Variants in DSCAM observed in about 807,000 individuals in gnomAD.
DSCAM encodes the protein DS cell adhesion molecule, also known as cell adhesion molecule DSCAM.
DSCAM carries 47 observed loss-of-function variants against 217.7 expected under a neutral mutation model. That is an observed-to-expected ratio of 0.22 (90% CI 0.17 to 0.28). The LOEUF (loss-of-function observed/expected upper bound fraction) is 0.28, where lower values mean the gene tolerates loss of function less well. Ranked by LOEUF, DSCAM falls within the 10% of genes least tolerant of loss-of-function variation. The probability of loss-of-function intolerance (pLI) is 1.00; values close to 1 mark genes in which losing one functional copy is unlikely to be tolerated. For missense variants in DSCAM, 2,080 were observed against 2,618.3 expected (o/e 0.79, Z 4.49); for synonymous variants, 1,056 against 1,015.3 (o/e 1.04, Z -0.76).
chr21:40,472,721 T>C (rs1238430219), intron 3 of DSCAM, among the ~76,000 whole-genome samples: 1 of 152,118 alleles, frequency 6.6e-6, no homozygotes. Context: ...ATGGTTTGTG[T>C]GTTTAAATGT....
At chr21:40,521,658 G>C (rs2076360300) in intron 3 of DSCAM, among the ~76,000 whole-genome samples, 2 of 152,030 alleles carry the variant, frequency 1.3e-5, no homozygotes, top group Non-Finnish European at 1.5e-5. Context: ...ACTCATATGT[G>C]AAATCTAAAG....
At chr21:40,557,499 C>T (rs903964757) in intron 3 of DSCAM, among the ~76,000 whole-genome samples, 10 of 152,086 alleles carry the variant, frequency 6.6e-5, no homozygotes, top group East Asian at 1.9e-4. Flanking sequence ...GGACTACAGG[C>T]GCCCAACACC....
intron 1 of DSCAM, among the ~76,000 whole-genome samples, chr21:40,792,735 C>T (rs1200735014): frequency 6.6e-6 from 1 of 152,150 alleles, no homozygotes; most frequent in Non-Finnish European, 1.5e-5. Flanking sequence ...AGGGGACCCA[C>T]ATAGGGCCAG....
chr21:40,566,953 A>G (rs947632444), intron 3 of DSCAM, among the ~76,000 whole-genome samples: 11 of 152,060 alleles, frequency 7.2e-5, no homozygotes, highest in African/African-American at 2.4e-4. Flanking sequence ...CCGTAAGCAC[A>G]AGCATCCTTT....
intron 8 of DSCAM, among the ~76,000 whole-genome samples, chr21:40,334,784 A>T (rs535093753): frequency 1.3e-5 from 2 of 152,224 alleles, no homozygotes; most frequent in African/African-American, 4.8e-5. Context: ...AGTATCTGGG[A>T]CTACGGGCTC....
At chr21:40,444,485 T>G (rs966088222) in intron 3 of DSCAM, among the ~76,000 whole-genome samples, 7 of 152,180 alleles carry the variant, frequency 4.6e-5, no homozygotes, top group Non-Finnish European at 8.8e-5. Context: ...CTAAACCGGT[T>G]GAGCATAGCC....
chr21:40,682,432 C>A (rs1355931559), intron 3 of DSCAM, among the ~76,000 whole-genome samples: 1 of 150,722 alleles, frequency 6.6e-6, no homozygotes, highest in Non-Finnish European at 1.5e-5. Flanking sequence ...GGATACAAAC[C>A]AAAGGAGAGC....
intron 3 of DSCAM, among the ~76,000 whole-genome samples, chr21:40,509,718 A>G (rs1294765710): frequency 1.3e-5 from 2 of 152,166 alleles, no homozygotes; most frequent in Non-Finnish European, 2.9e-5. Flanking sequence ...AACGAGGCCC[A>G]AGCACAATGC....
intron 11 of DSCAM, among the ~76,000 whole-genome samples, chr21:40,275,612 T>C (rs939190327): frequency 3.3e-5 from 5 of 152,228 alleles, no homozygotes; most frequent in African/African-American, 1.2e-4. Context: ...TTCTGTCTTG[T>C]AGTTGTTCGC....
chr21:40,655,735 G>A (rs1220407496), intron 3 of DSCAM, among the ~76,000 whole-genome samples: 2 of 152,174 alleles, frequency 1.3e-5, no homozygotes, highest in East Asian at 3.9e-4. Context: ...TTACAGGCAT[G>A]AGCCACTATT....
intron 11 of DSCAM, among the ~76,000 whole-genome samples, chr21:40,225,147 TCA>T (rs769947486): frequency 4.6e-5 from 7 of 152,210 alleles, no homozygotes; most frequent in Non-Finnish European, 1.0e-4. Context: ...CTGCCCATTC[TCA>T]GACTCAGATC....
intron 11 of DSCAM, among the ~76,000 whole-genome samples, chr21:40,215,942 A>T (rs573090846): frequency 0.11 from 5,114 of 44,884 alleles, 121 homozygotes; most frequent in African/African-American, 0.14. Flanking sequence ...TTCTCCTTTA[A>T]AAAAAAAAAA....
At chr21:40,374,123 G>A (rs549766989) in intron 3 of DSCAM, among the ~76,000 whole-genome samples, 4 of 152,174 alleles carry the variant, frequency 2.6e-5, no homozygotes, top group South Asian at 2.1e-4. Flanking sequence ...ATTTCACATC[G>A]TGTATACACA....
intron 3 of DSCAM, among the ~76,000 whole-genome samples, chr21:40,657,724 C>T (rs1423437275): frequency 6.6e-6 from 1 of 152,098 alleles, no homozygotes; most frequent in East Asian, 1.9e-4. Context: ...TTCTAAAGTA[C>T]TGGTGGTACA....
chr21:40,727,027 T>C (rs1387845759), intron 1 of DSCAM, among the ~76,000 whole-genome samples: 1 of 152,172 alleles, frequency 6.6e-6, no homozygotes, highest in East Asian at 1.9e-4. Context: ...GCCTCCATAA[T>C]TGGAGGAAAT....
At position 40,812,279 on chromosome 21, in the gene DSCAM, G is replaced by C. The variant is rs571605453; in HGVS notation, c.43+34340C>G. 5.3e-5 allele frequency among the ~76,000 whole-genome samples: 8 copies of C among 152,302 alleles called. No homozygotes were observed. In the South Asian group the frequency reaches 1.7e-3, roughly 32 times the overall value. On this transcript the variant is annotated intron_variant, in intron 1 of 32. Transcript: ENST00000400454. ...AAATACCCAGTCTTAGCAAGAATAT[G>C]TTCTCCCCTTCCATGCAGCAGGTAC...
At position 40,369,119 on chromosome 21, in the gene DSCAM, C is replaced by T; in HGVS notation, c.635G>A (p.Ser212Asn). 1 of 1,610,862 alleles carries T rather than the reference C, an allele frequency of 6.2e-7. No individual in the cohort carries two copies. The highest frequency in any genetic ancestry group is 8.5e-7 in the Non-Finnish European group (1 of 1,178,752). Residue 212 changes from serine (S) to asparagine (N), a missense_variant, in exon 4 of 33, where the codon AGC (serine) becomes AAC (asparagine). Ser to Asn is a conservative substitution (Grantham distance 46). Around this residue, in one of 5 missense-constraint regions of DSCAM, gnomAD observed 568 missense variants for 678.1 expected, o/e 0.84. Coordinates refer to ENST00000400454, the MANE Select transcript of DSCAM (RefSeq NM_001389.5). ...TTTACCTGATACAAAAAGTCTGGCG[C>T]TGTTGCTCTGCCTCGTCTCTCCGGT... Reference protein sequence around the residue: ...RYTGETRQSNSARLFVSDPAN... With the variant: ...RYTGETRQSNNARLFVSDPAN...
At chr21:40,071,282 T>TA (rs896884686) in intron 27 of DSCAM, among the ~76,000 whole-genome samples, 2 of 151,324 alleles carry the variant, frequency 1.3e-5, no homozygotes, top group African/African-American at 4.9e-5. Context: ...GTTATAGATT[T>TA]AAAAAAAAAT....
At chr21:40,725,356 G>GA (rs11312320) in intron 1 of DSCAM, among the ~76,000 whole-genome samples, 2 of 151,652 alleles carry the variant, frequency 1.3e-5, no homozygotes, top group East Asian at 1.9e-4. Flanking sequence ...AGCAGTGATG[G>GA]AAAAAAAAAC....
Sources: gnomAD v4.1 joint callset for allele counts (sites outside exome capture counted in the v4.1 genomes callset) on GRCh38, gnomAD v4.1.1 for gene constraint, gnomAD v4.1.1 regional missense constraint, MANE v1.5 for transcripts, NCBI Gene and HGNC (gene_info 2026-07-23, HGNC 2026-07-21) for gene names.